The following SRMS variants were observed in gnomAD, a reference collection of about 807,000 sequenced individuals.
SRMS encodes the protein tyrosine-protein kinase Srms.
Under a neutral mutation model 43.5 loss-of-function variants are expected in SRMS, and 42 were observed. That is an observed-to-expected ratio of 0.97 (90% CI 0.75 to 1.25). The LOEUF (loss-of-function observed/expected upper bound fraction) is 1.25, where lower values mean the gene tolerates loss of function less well. SRMS is among the 50% of genes most tolerant of loss of function. SRMS has a pLI of 0.00. For missense variants in SRMS, 703 were observed against 681.0 expected (o/e 1.03, Z -0.36); for synonymous variants, 316 against 308.2 (o/e 1.03, Z -0.27).
chr20:63,541,387 G>T (rs369067190), intron 6 of SRMS, 40 bp from the exon 7 acceptor site: 3 of 1,551,158 alleles, frequency 1.9e-6, no homozygotes, highest in Non-Finnish European at 2.6e-6. Flanking sequence ...CAGGTGGACC[G>T]GGGTCCCCTC....
In SRMS at chr20:63,546,018, G is replaced by C. The variant is rs1347493175; in HGVS notation, c.356+1090C>G. 5.3e-5 allele frequency among the ~76,000 whole-genome samples: 8 copies of C among 152,058 alleles called. No homozygotes were observed. The East Asian group carries it at 1.3e-3, about 26-fold the overall frequency. Reference sequence around the variant, plus strand: ...TGGGGCGTGGGGCCAGGTGTCTGGAGCTAATGACACCTGAGTGTGGTTAGT... The same window carrying C: ...TGGGGCGTGGGGCCAGGTGTCTGGACCTAATGACACCTGAGTGTGGTTAGT... On this transcript the variant is annotated intron_variant, in intron 1 of 7. Coordinates refer to ENST00000217188, the MANE Select transcript of SRMS (RefSeq NM_080823.4).
In SRMS at chr20:63,547,403, G is replaced by T; in HGVS notation, c.61C>A (p.Pro21Thr). 2 of 1,555,098 alleles carry T rather than the reference G, an allele frequency of 1.3e-6. No individual in the cohort carries two copies. Among genetic ancestry groups the T allele is most frequent in the Non-Finnish European group, 1.7e-6 (2 of 1,148,818 alleles). Residue 21 changes from proline (P) to threonine (T), a missense_variant, in exon 1 of 8, where the codon CCG (proline) becomes ACG (threonine). Physicochemically the swap from Pro to Thr is conservative, Grantham distance 38. Transcript: ENST00000217188. ...FLSFFWDKIWPAGGEPDHGTP... is the reference protein window; with the variant it reads ...FLSFFWDKIWTAGGEPDHGTP... ...CCATGGTCCGGCTCGCCGCCCGCCG[G>T]CCAGATCTTGTCCCAGAAGAAGGAC...
rs1178997879 is a variant in SRMS, at chr20:63,541,625, A to G, written c.947-5T>C. On this transcript the variant is annotated splice_polypyrimidine_tract_variant and splice_region_variant and intron_variant, in intron 5 of 7. Coordinates refer to ENST00000217188, the MANE Select transcript of SRMS (RefSeq NM_080823.4). ...GCAGGGCCCGGCCCTCGGGGGCTGCAGGAGACAGCGCGGGGTCTTTTAGGG... is the reference window on the plus strand; with the variant it reads ...GCAGGGCCCGGCCCTCGGGGGCTGCGGGAGACAGCGCGGGGTCTTTTAGGG... 1 of 1,530,234 alleles carries G rather than the reference A, an allele frequency of 6.5e-7. No individual in the cohort carries two copies. The highest frequency in any genetic ancestry group is 8.7e-7 in the Non-Finnish European group (1 of 1,143,376). 94.8% of individuals were successfully genotyped at this position (1,530,234 alleles called of 1,614,324 possible). A position where few individuals can be genotyped will look rare whatever the true frequency, so the allele number is the denominator to read the frequency against.
rs189548616 is a variant in SRMS at position 63,545,580 on chromosome 20, A to T, written c.357-1232T>A. On this transcript the variant is annotated intron_variant, in intron 1 of 7. Transcript: ENST00000217188. ...GGCAAGACGGAGGACACAGTCTGGC[A>T]CCCCTGCCCCGGTGACCTAGGGGGC... Among the ~76,000 whole-genome samples, 84 of 152,244 alleles carry T rather than the reference A, an allele frequency of 5.5e-4. No individual in the cohort carries two copies. In the East Asian group the frequency reaches 0.015, roughly 28 times the overall value.
chr20:63,547,169 C>T lies in SRMS; in HGVS notation c.295G>A (p.Ala99Thr), dbSNP rs752078102. ...ACGTGGGTGATGGGCACGAGCCCGGCGCTGGGCTGGCCCGAAAGCCTGCGT... is the reference window on the plus strand; with the variant it reads ...ACGTGGGTGATGGGCACGAGCCCGGTGCTGGGCTGGCCCGAAAGCCTGCGT... ...FARRLSGQPS[A>T]GLVPITHVAK... is the part of the protein sequence containing the mutation. Residue 99 changes from alanine (A) to threonine (T), a missense_variant, in exon 1 of 8, where the codon GCC becomes ACC. Coordinates refer to ENST00000217188, the MANE Select transcript of SRMS (RefSeq NM_080823.4). 5.7e-5 allele frequency: 92 copies of T among 1,611,022 alleles called. No individual in the cohort carries two copies. In the South Asian group the frequency reaches 8.1e-4, roughly 14 times the overall value.
At position 63,541,270 on chromosome 20, in the gene SRMS, G is replaced by A; in HGVS notation, c.1206C>T (p.Val402=). ...WTAPEAANYR[V]FSQKSDVWSF... ...ACCAGACGTCTGACTTCTGGGAGAAGACACGATAATTGGCCGCCTCAGGCG... is the reference window on the plus strand; with the variant it reads ...ACCAGACGTCTGACTTCTGGGAGAAAACACGATAATTGGCCGCCTCAGGCG... The change falls in exon 7 of 8, where the codon GTC becomes GTT. Residue 402 remains valine (V), a synonymous_variant. Transcript: ENST00000217188. 6.4e-7 allele frequency: 1 copy of A among 1,569,444 alleles called. No homozygotes were observed. Among genetic ancestry groups the A allele is most frequent in the Non-Finnish European group, 8.6e-7 (1 of 1,162,348 alleles).
chr20:63,539,672 G>A lies in SRMS; in HGVS notation c.*1146C>T, dbSNP rs559177216. On this transcript the variant is annotated 3_prime_UTR_variant, in exon 8 of 8. Transcript: ENST00000217188. ...TTCCCTGAGCCAGACGTGGGGAGAC[G>A]AGGGCGGACCCTGCACATCCCTGCC... 6.6e-6 allele frequency among the ~76,000 whole-genome samples: 1 copy of A among 152,236 alleles called. No homozygotes were observed. Among genetic ancestry groups the A allele is most frequent in the East Asian group, 1.9e-4 (1 of 5,182 alleles).
At position 63,541,280 on chromosome 20, in the gene SRMS, T is replaced by C. The variant is rs1308298142; in HGVS notation, c.1196A>G (p.Asn399Ser). The stretch of plus-strand genomic sequence containing the variant: ...TGACTTCTGGGAGAAGACACGATAA[T>C]TGGCCGCCTCAGGCGCTGTCCACTT... ...PVKWTAPEAANYRVFSQKSDV... is the reference protein window; with the variant it reads ...PVKWTAPEAASYRVFSQKSDV... The change falls in exon 7 of 8, where the codon AAT (asparagine) becomes AGT (serine). Residue 399 changes from asparagine to serine, a missense_variant. By Grantham distance (46) the Asn-to-Ser change is conservative (BLOSUM62 1). Transcript: ENST00000217188. 2 of 1,567,752 alleles carry C rather than the reference T, an allele frequency of 1.3e-6. No individual in the cohort carries two copies. Among genetic ancestry groups the C allele is most frequent in the Admixed American group, 2.0e-5 (1 of 49,374 alleles).
rs542037415 is a variant in SRMS, at chr20:63,544,483, G to A, written c.357-135C>T. 199 of 1,169,530 alleles carry A rather than the reference G, an allele frequency of 1.7e-4. 1 individual carries two copies. In the African/African-American group the frequency reaches 3.1e-3, roughly 18 times the overall value. 72.4% of individuals were successfully genotyped at this position (1,169,530 alleles called of 1,614,324 possible). On this transcript the variant is annotated intron_variant, in intron 1 of 7. Transcript: ENST00000217188. ...GGAGAAGGTCCACCCCGTGGACTTT[G>A]AGTCCCAGCTCAAGGTCTGCACTGC...
chr20:63,540,739 G>C lies in SRMS; in HGVS notation c.*79C>G, dbSNP rs1362497676. On this transcript the variant is annotated 3_prime_UTR_variant, in exon 8 of 8. Transcript: ENST00000217188. ...CAGAGGCTCCTCGGTCCGGCAGACC[G>C]GCATCCCTTCGAGTTGGCGCTCTGC... The C allele has an allele frequency of 1.1e-5, 17 of 1,487,040 alleles. No individual in the cohort carries two copies. In the East Asian group the frequency reaches 2.8e-4, roughly 24 times the overall value. 92.1% of individuals were successfully genotyped at this position (1,487,040 alleles called of 1,614,324 possible).
At position 63,539,075 on chromosome 20, in the gene SRMS, C is replaced by T. The variant is rs2082688808; in HGVS notation, c.*1743G>A. ...CCCAGGCTGCTGTGCTGGGGACCTG[C>T]CAGAACTGGAAGCTCAGCTCAAGGC... On this transcript the variant is annotated 3_prime_UTR_variant, in exon 8 of 8. Coordinates refer to ENST00000217188, the MANE Select transcript of SRMS (RefSeq NM_080823.4). 6.6e-6 allele frequency among the ~76,000 whole-genome samples: 1 copy of T among 152,106 alleles called. No homozygotes were observed. The highest frequency in any genetic ancestry group is 1.9e-4 in the East Asian group (1 of 5,194).
Position 63,547,129 on chromosome 20 carries a change from G to A in SRMS, c.335C>T (p.Pro112Leu), listed in dbSNP as rs1418106001. ...VPITHVAKAS[P>L]ETLSDQPWYF... Reference sequence around the variant, plus strand: ...TCACGGTTGGTCTGAGAGCGTCTCAGGAGAAGCCTTGGCCACGTGGGTGAT... The same window carrying A: ...TCACGGTTGGTCTGAGAGCGTCTCAAGAGAAGCCTTGGCCACGTGGGTGAT... Residue 112 changes from proline (P) to leucine (L), a missense_variant, in exon 1 of 8, where the codon CCT becomes CTT. Physicochemically the swap from Pro to Leu is moderately conservative, Grantham distance 98 (BLOSUM62 -3). Transcript: ENST00000217188. The A allele has an allele frequency of 1.9e-6, 3 of 1,596,518 alleles. No homozygotes were observed. Among genetic ancestry groups the A allele is most frequent in the Admixed American group, 3.4e-5 (2 of 58,654 alleles).
Position 63,547,259 on chromosome 20 carries a change from C to G in SRMS, c.205G>C (p.Glu69Gln). 6.2e-7 allele frequency: 1 copy of G among 1,610,534 alleles called. No individual in the cohort carries two copies. Among genetic ancestry groups the G allele is most frequent in the Non-Finnish European group, 8.5e-7 (1 of 1,178,556 alleles). The change falls in exon 1 of 8, where the codon GAG becomes CAG. Residue 69 changes from glutamate to glutamine, a missense_variant. Physicochemically the swap from Glu to Gln is conservative, Grantham distance 29. Transcript: ENST00000217188. ...LYDFTARCGG[E>Q]LSVRRGDRLC... ...CTGTCCCCGCGGCGGACACTCAGCT[C>G]CCCGCCACACCGCGCCGTGAAGTCA...
At position 63,540,793 on chromosome 20, in the gene SRMS, C is replaced by T; in HGVS notation, c.*25G>A. 1 of 1,571,154 alleles carries T rather than the reference C, an allele frequency of 6.4e-7. No individual in the cohort carries two copies. Among genetic ancestry groups the T allele is most frequent in the Non-Finnish European group, 8.6e-7 (1 of 1,158,742 alleles). On this transcript the variant is annotated 3_prime_UTR_variant, in exon 8 of 8. Transcript: ENST00000217188. ...GAGGAGGGGCTGGCCTGGCTGGAGC[C>T]CAGAGCGTTGGGTCACGTGAGGACT...
chr20:63,541,210 A>AAG lies in SRMS; in HGVS notation c.1265_1266insCT (p.Gly423LeufsTer9). 1 of 1,562,232 alleles carries AAG rather than the reference A, an allele frequency of 6.4e-7. No homozygotes were observed. The highest frequency in any genetic ancestry group is 8.6e-7 in the Non-Finnish European group (1 of 1,160,122). The stretch of plus-strand genomic sequence containing the variant: ...ACCCACCTTCATAGGGACACTGGCC[A>AAG]TAGGTGAAAACCTCGTGCAGCAGGA... On this transcript the variant is annotated frameshift_variant, in exon 7 of 8. Transcript: ENST00000217188. LOFTEE classifies it low-confidence loss of function (END_TRUNC).
rs1217468679 is a variant in SRMS, at chr20:63,542,251, G to A, written c.858C>T (p.Ile286=). 4 of 1,612,634 alleles carry A rather than the reference G, an allele frequency of 2.5e-6. No individual in the cohort carries two copies. The highest frequency in any genetic ancestry group is 1.6e-4 in the Middle Eastern group (1 of 6,082). ...CGCCCGAGCACACTGCGTGCAGCCG[G>A]ATGAGCCGCTCGTGCCGCAGGCCCT... ...TLKGLRHERL[I]RLHAVCSGGE... The change falls in exon 5 of 8, where the codon ATC becomes ATT. Residue 286 remains isoleucine (I), a synonymous_variant. Coordinates refer to ENST00000217188, the MANE Select transcript of SRMS (RefSeq NM_080823.4).
At position 63,541,426 on chromosome 20, in the gene SRMS, A is replaced by G. The variant is rs771807700; in HGVS notation, c.1128+13T>C. 6.3e-7 allele frequency: 1 copy of G among 1,590,468 alleles called. No individual in the cohort carries two copies. Among genetic ancestry groups the G allele is most frequent in the Non-Finnish European group, 8.5e-7 (1 of 1,171,098 alleles). ...CACCCCCTCTGGGTCAGGGGCCCAGAGCCTCCGCTGACCTTGAGCAGCCGG... is the reference window on the plus strand; with the variant it reads ...CACCCCCTCTGGGTCAGGGGCCCAGGGCCTCCGCTGACCTTGAGCAGCCGG... On this transcript the variant is annotated intron_variant, in intron 6 of 7. Coordinates refer to ENST00000217188, the MANE Select transcript of SRMS (RefSeq NM_080823.4).
rs2082685977 is a variant in SRMS, at chr20:63,538,624, A to G, written c.*2194T>C. On this transcript the variant is annotated 3_prime_UTR_variant, in exon 8 of 8. Coordinates refer to ENST00000217188, the MANE Select transcript of SRMS (RefSeq NM_080823.4). The stretch of plus-strand genomic sequence containing the variant: ...TGGGCAGCCCAGCTCAGCGCTGACC[A>G]AGGTGGGGAGGGGCAGCGGGGTGCC... Among the ~76,000 whole-genome samples, 5 of 151,158 alleles carry G rather than the reference A, an allele frequency of 3.3e-5. No individual in the cohort carries two copies. The highest frequency in any genetic ancestry group is 2.6e-4 in the Admixed American group (4 of 15,158).
At position 63,541,555 on chromosome 20, in the gene SRMS, T is replaced by C. The variant is rs934403308; in HGVS notation, c.1012A>G (p.Met338Val). ...ACGCGCTGCTCCTCCAGGTAGCTCA[T>C]GCCCTCAGCCACCTGGCAGGCAAAG... The part of the protein sequence containing the change: ...LGFACQVAEG[M>V]SYLEEQRVVH... Residue 338 changes from methionine (M) to valine (V), a missense_variant, in exon 6 of 8, where the codon ATG (methionine) becomes GTG (valine). Physicochemically the swap from Met to Val is conservative, Grantham distance 21. Coordinates refer to ENST00000217188, the MANE Select transcript of SRMS (RefSeq NM_080823.4). 6.3e-7 allele frequency: 1 copy of C among 1,586,550 alleles called. No homozygotes were observed. The highest frequency in any genetic ancestry group is 8.6e-7 in the Non-Finnish European group (1 of 1,168,924).
Sources: allele counts gnomAD v4.1 joint callset (sites outside exome capture counted in the v4.1 genomes callset), GRCh38; gene constraint gnomAD v4.1.1; transcripts MANE v1.5; gene names NCBI Gene and HGNC (gene_info 2026-07-23, HGNC 2026-07-21).